The following RABGEF1 variants were observed in gnomAD, a reference collection of about 807,000 sequenced individuals.
RABGEF1 encodes the protein rab5 GDP/GTP exchange factor.
RABGEF1 carries 26 observed loss-of-function variants against 57.3 expected under a neutral mutation model. The observed-to-expected ratio is 0.45, with a 90% confidence interval of 0.33 to 0.63. The LOEUF (loss-of-function observed/expected upper bound fraction) is 0.63. Ranked by LOEUF, RABGEF1 falls within the 20% of genes least tolerant of loss-of-function variation. RABGEF1 has a pLI of 0.02. For synonymous variants in RABGEF1, 185 were observed against 210.7 expected, an observed-to-expected ratio of 0.88 and a Z score of 1.06; for missense variants, 464 against 607.6, an observed-to-expected ratio of 0.76 and a Z score of 2.48.
intron 5 of RABGEF1, chr7:66,796,666 C>T (rs1197073968): frequency 3.8e-6 from 1 of 263,382 alleles, no homozygotes; most frequent in Non-Finnish European, 7.5e-6. Context: ...GACCTCGGCT[C>T]ACTGCAACTC....
At chr7:66,737,409 A>T (rs1456187875), upstream of RABGEF1, among the ~76,000 whole-genome samples, 2 of 150,918 alleles carry the variant, frequency 1.3e-5, no homozygotes, top group East Asian at 3.9e-4. Flanking sequence ...GTGTGCCACC[A>T]CACCTGGCTA....
At chr7:66,707,539 C>A (rs1233492514) in intron 1 of RABGEF1, among the ~76,000 whole-genome samples, 1 of 151,992 alleles carries the variant, frequency 6.6e-6, no homozygotes, top group Admixed American at 6.6e-5. Context: ...AATGCAAAAA[C>A]CAGCCAGTCG....
At chr7:66,661,665 G>T in the RABGEF1 span, among the ~76,000 whole-genome samples, 8 of 152,260 alleles carry the variant, frequency 5.3e-5, no homozygotes, top group South Asian at 4.1e-4. Flanking sequence ...TGACTGGATG[G>T]TTTTACCAGT....
intron 2 of RABGEF1, among the ~76,000 whole-genome samples, chr7:66,735,318 A>G (rs2659892): frequency 0.34 from 51,796 of 152,156 alleles, 9,219 homozygotes; most frequent in Middle Eastern, 0.49. Context: ...GCATCACGCT[A>G]TTAAATGACT....
intron 2 of RABGEF1, among the ~76,000 whole-genome samples, chr7:66,717,386 C>T (rs1226466292): frequency 1.3e-5 from 2 of 152,136 alleles, no homozygotes; most frequent in Admixed American, 6.6e-5. Context: ...CCATTAGAAT[C>T]TGAAACTGTT....
chr7:66,765,316 T>C (rs1485298462), intron 1 of RABGEF1, among the ~76,000 whole-genome samples: 1 of 152,208 alleles, frequency 6.6e-6, no homozygotes, highest in Non-Finnish European at 1.5e-5. Context: ...ATCAGTCTTC[T>C]TAGACTCAGA....
At chr7:66,760,261 GGTT>G (rs1803947526) in intron 1 of RABGEF1, among the ~76,000 whole-genome samples, 1 of 152,126 alleles carries the variant, frequency 6.6e-6, no homozygotes, top group Non-Finnish European at 1.5e-5. Flanking sequence ...CATTTGGAAA[GGTT>G]GTAGAAATCC....
chr7:66,688,912 G>A (rs1216485825), intron 1 of RABGEF1, among the ~76,000 whole-genome samples: 2 of 152,106 alleles, frequency 1.3e-5, no homozygotes, highest in Non-Finnish European at 2.9e-5. Context: ...AACCAACATG[G>A]CAAAAGCCCA....
upstream of RABGEF1, among the ~76,000 whole-genome samples, chr7:66,736,789 A>G (rs1324517998): frequency 6.6e-6 from 1 of 152,208 alleles, no homozygotes. Context: ...TGAACCCAGG[A>G]GGCAGAAGTT....
chr7:66,657,363 T>C, the RABGEF1 span, among the ~76,000 whole-genome samples: 1 of 152,118 alleles, frequency 6.6e-6, no homozygotes, highest in African/African-American at 2.4e-5. Flanking sequence ...CTCACAAATA[T>C]ATGGAAAATA....
At chr7:66,689,058 A>AT (rs1331663611) in intron 1 of RABGEF1, among the ~76,000 whole-genome samples, 1 of 152,174 alleles carries the variant, frequency 6.6e-6, no homozygotes, top group East Asian at 1.9e-4. Flanking sequence ...GCACCACTGC[A>AT]TTCCAGCCTG....
chr7:66,659,378 G>A, the RABGEF1 span, among the ~76,000 whole-genome samples: 53 of 152,140 alleles, frequency 3.5e-4, no homozygotes, highest in South Asian at 0.011. Flanking sequence ...CTTGAACACG[G>A]GAGGCGGAGG....
the RABGEF1 span, among the ~76,000 whole-genome samples, chr7:66,672,145 G>C: frequency 6.6e-6 from 1 of 151,774 alleles, no homozygotes; most frequent in Non-Finnish European, 1.5e-5. Flanking sequence ...AAACCTGGCC[G>C]GGCACGGTGG....
intron 6 of RABGEF1, among the ~76,000 whole-genome samples, chr7:66,798,920 ACT>A (rs1255682449): frequency 6.6e-6 from 1 of 152,180 alleles, no homozygotes. Context: ...CAAGATTGGC[ACT>A]CCAGCCTGGG....
At chr7:66,678,772 T>C (rs964206785), upstream of RABGEF1, among the ~76,000 whole-genome samples, 3 of 152,030 alleles carry the variant, frequency 2.0e-5, no homozygotes, top group African/African-American at 7.2e-5. Context: ...ACTCAGACAT[T>C]GTAATAACTG....
intron 1 of RABGEF1, among the ~76,000 whole-genome samples, chr7:66,760,605 G>A (rs555130282): frequency 2.0e-5 from 3 of 151,980 alleles, no homozygotes; most frequent in African/African-American, 4.8e-5. Flanking sequence ...CATCATGCCC[G>A]GCTAATTTTT....
intron 3 of RABGEF1, among the ~76,000 whole-genome samples, chr7:66,783,461 A>G (rs968571702): frequency 6.6e-6 from 1 of 152,226 alleles, no homozygotes; most frequent in Non-Finnish European, 1.5e-5. Context: ...TATCTTTTAG[A>G]TAATGTAGTT....
intron 4 of RABGEF1, among the ~76,000 whole-genome samples, chr7:66,788,229 G>A (rs1422165032): frequency 1.3e-5 from 2 of 152,024 alleles, no homozygotes; most frequent in Non-Finnish European, 2.9e-5. Context: ...GGTGGATCAC[G>A]AGGTCAGGAT....
chr7:66,692,335 C>T (rs1165025012), intron 1 of RABGEF1, among the ~76,000 whole-genome samples: 1 of 152,182 alleles, frequency 6.6e-6, no homozygotes, highest in Non-Finnish European at 1.5e-5. Context: ...CTCTCTTACC[C>T]ATGCTTCCTG....
Sources: allele counts gnomAD v4.1 joint callset (sites outside exome capture counted in the v4.1 genomes callset), GRCh38; gene constraint gnomAD v4.1.1; transcripts MANE v1.5; gene names NCBI Gene and HGNC (gene_info 2026-07-23, HGNC 2026-07-21).